Variants in AFF3 observed in about 807,000 individuals in gnomAD.
AFF3 encodes the protein AF4/FMR2 family member 3.
In AFF3, 32 loss-of-function variants were observed where a neutral mutation model predicts 129.7. That is an observed-to-expected ratio of 0.25 (90% confidence interval 0.19 to 0.33). The LOEUF (loss-of-function observed/expected upper bound fraction) is 0.33, where lower values mean the gene tolerates loss of function less well. Among genes scored for constraint, AFF3 ranks in the 10% least tolerant of loss-of-function variants. AFF3 has a pLI of 1.00. For missense variants in AFF3, 1,373 were observed against 1,592.0 expected (o/e 0.86, Z 2.34); for synonymous variants, 644 against 635.4 (o/e 1.01, Z -0.20).
intron 7 of AFF3, among the ~76,000 whole-genome samples, chr2:99,968,470 G>C (rs1307533391): frequency 6.6e-6 from 1 of 152,158 alleles, no homozygotes; most frequent in Non-Finnish European, 1.5e-5. Flanking sequence ...ACCCCAGGCT[G>C]GGTGTTCCAA....
At chr2:99,747,595 A>C (rs1257693539) in intron 9 of AFF3, among the ~76,000 whole-genome samples, 3 of 152,194 alleles carry the variant, frequency 2.0e-5, no homozygotes, top group African/African-American at 7.2e-5. Flanking sequence ...TACAAACCAT[A>C]AGATCATGTA....
intron 7 of AFF3, among the ~76,000 whole-genome samples, chr2:99,932,750 T>C (rs1032013225): frequency 2.0e-5 from 3 of 152,224 alleles, no homozygotes; most frequent in Admixed American, 2.0e-4. Flanking sequence ...ACATCAGTTT[T>C]ACACTCTTAG....
chr2:99,743,409 T>G (rs1446536324), intron 10 of AFF3, among the ~76,000 whole-genome samples: 1 of 152,224 alleles, frequency 6.6e-6, no homozygotes, highest in Non-Finnish European at 1.5e-5. Context: ...GCTCTTAGCT[T>G]GCTGGCTGGT....
At chr2:99,798,888 A>G (rs1185362364) in intron 8 of AFF3, among the ~76,000 whole-genome samples, 1 of 152,028 alleles carries the variant, frequency 6.6e-6, no homozygotes, top group Non-Finnish European at 1.5e-5. Context: ...GATAGAATAC[A>G]TAGGAAGAAA....
chr2:99,729,744 CAGG>C (rs1236433127), intron 10 of AFF3, among the ~76,000 whole-genome samples: 4 of 151,036 alleles, frequency 2.6e-5, no homozygotes, highest in African/African-American at 7.3e-5. Context: ...GTTGGGTGTG[CAGG>C]AGATGTTTCC....
chr2:99,707,686 A>C, intron 11 of AFF3: 1 of 972,998 alleles, frequency 1.0e-6, no homozygotes, highest in Non-Finnish European at 1.2e-6. Flanking sequence ...TTAGATGTTA[A>C]TAGGATGCCT....
intron 8 of AFF3, among the ~76,000 whole-genome samples, chr2:99,789,966 G>A (rs1336229384): frequency 6.6e-6 from 1 of 152,182 alleles, no homozygotes; most frequent in East Asian, 1.9e-4. Context: ...ATGGACCCTG[G>A]TGATGATACC....
rs114448969 is a variant in AFF3, at chr2:99,746,978, A to C, written c.1003-2838T>G. Among the ~76,000 whole-genome samples, 652 of 151,900 alleles carry C rather than the reference A, an allele frequency of 4.3e-3. 8 individuals are homozygous for C. The highest frequency in any genetic ancestry group is 0.015 in the African/African-American group (609 of 41,514). ...AAAAAAAAAAAAAGAAAGGAAAAAA[A>C]GAACAGAATTTTTTCTAAGACTGTT... On this transcript the variant is annotated intron_variant, in intron 9 of 24. Transcript: ENST00000672756.
chr2:99,655,304 G>C (rs1558705745), intron 12 of AFF3, among the ~76,000 whole-genome samples: 1 of 151,538 alleles, frequency 6.6e-6, no homozygotes, highest in Admixed American at 6.6e-5. Flanking sequence ...GAAGAGGACA[G>C]GGTGCTCTGA....
intron 8 of AFF3, among the ~76,000 whole-genome samples, chr2:99,802,214 G>A (rs1045970869): frequency 2.6e-4 from 39 of 152,242 alleles, no homozygotes; most frequent in African/African-American, 9.4e-4. Context: ...CACATGACAT[G>A]TTGAATACCT....
intron 12 of AFF3, among the ~76,000 whole-genome samples, chr2:99,672,227 CACACAT>C (rs1230031375): frequency 0.015 from 406 of 27,206 alleles, 7 homozygotes; most frequent in African/African-American, 0.072. Context: ...CACACACACA[CACACAT>C]GAATAAATAA....
intron 7 of AFF3, among the ~76,000 whole-genome samples, chr2:99,887,952 A>C (rs1220756662): frequency 6.6e-6 from 1 of 152,174 alleles, no homozygotes; most frequent in Non-Finnish European, 1.5e-5. Context: ...CCTAAATGCT[A>C]CACTAAATAT....
chr2:99,904,706 G>A (rs573752249), intron 7 of AFF3, among the ~76,000 whole-genome samples: 2 of 152,010 alleles, frequency 1.3e-5, no homozygotes, highest in Non-Finnish European at 2.9e-5. Context: ...TCCCTTTGCC[G>A]CTTCCCCAGA....
At chr2:99,653,232 G>C (rs771336291) in intron 12 of AFF3, among the ~76,000 whole-genome samples, 2 of 152,196 alleles carry the variant, frequency 1.3e-5, no homozygotes, top group Non-Finnish European at 2.9e-5. Context: ...CCCAAAGAAA[G>C]GTGGAATGTA....
intron 7 of AFF3, among the ~76,000 whole-genome samples, chr2:99,957,639 G>C (rs1209298317): frequency 6.6e-6 from 1 of 152,236 alleles, no homozygotes; most frequent in Non-Finnish European, 1.5e-5. Flanking sequence ...ATCCAGGTTA[G>C]AAAGATCTTT....
At chr2:99,869,730 C>A (rs1175632281) in intron 7 of AFF3, among the ~76,000 whole-genome samples, 1 of 152,108 alleles carries the variant, frequency 6.6e-6, no homozygotes, top group Non-Finnish European at 1.5e-5. Flanking sequence ...CCACCAAAAC[C>A]AAAGTATAAC....
intron 7 of AFF3, among the ~76,000 whole-genome samples, chr2:100,000,521 C>T (rs1559045392): frequency 6.6e-6 from 1 of 151,994 alleles, no homozygotes; most frequent in Non-Finnish European, 1.5e-5. Context: ...CGCACACACA[C>T]ACACACACAC....
intron 10 of AFF3, among the ~76,000 whole-genome samples, chr2:99,738,031 C>A (rs1680398405): frequency 6.6e-6 from 1 of 152,048 alleles, no homozygotes; most frequent in African/African-American, 2.4e-5. Flanking sequence ...CATTTCCAAT[C>A]CTCTCTTTTA....
intron 7 of AFF3, among the ~76,000 whole-genome samples, chr2:99,851,092 C>T (rs750914576): frequency 3.9e-5 from 6 of 152,194 alleles, no homozygotes; most frequent in Non-Finnish European, 8.8e-5. Flanking sequence ...AGGGTTCACA[C>T]GGCTACAGGT....
Sources: gnomAD v4.1 joint callset for allele counts (sites outside exome capture counted in the v4.1 genomes callset) on GRCh38, gnomAD v4.1.1 for gene constraint, MANE v1.5 for transcripts, NCBI Gene and HGNC (gene_info 2026-07-23, HGNC 2026-07-21) for gene names.